The following PIGL variants were observed in gnomAD, a reference collection of about 807,000 sequenced individuals.
The protein encoded by PIGL is phosphatidylinositol glycan anchor biosynthesis class L.
In PIGL, 22 loss-of-function variants were observed where a neutral mutation model predicts 31.1. The observed-to-expected ratio is 0.71, with a 90% CI of 0.51 to 1.01. PIGL has a LOEUF of 1.01. PIGL is among the 50% of genes least tolerant of loss of function. The probability of loss-of-function intolerance (pLI) is 0.00; values close to 1 mark genes in which losing one functional copy is unlikely to be tolerated. For missense variants in PIGL, 302 were observed against 315.9 expected, an observed-to-expected ratio of 0.96 and a Z score of 0.33; for synonymous variants, 131 against 117.4, an observed-to-expected ratio of 1.12 and a Z score of -0.75.
At chr17:16,251,438 A>G (rs988987353) in intron 2 of PIGL, among the ~76,000 whole-genome samples, 14 of 146,776 alleles carry the variant, frequency 9.5e-5, no homozygotes, top group Admixed American at 8.9e-4. Flanking sequence ...AAAAAAAAAA[A>G]GACCAACGTG....
chr17:16,306,184 C>T (rs1051059502), intron 3 of PIGL, among the ~76,000 whole-genome samples: 4 of 152,086 alleles, frequency 2.6e-5, no homozygotes, highest in Admixed American at 2.6e-4. Flanking sequence ...CTCCTGACCT[C>T]GAGATCCACC....
intron 2 of PIGL, among the ~76,000 whole-genome samples, chr17:16,237,851 A>T: frequency 6.6e-6 from 1 of 151,898 alleles, no homozygotes; most frequent in Admixed American, 6.6e-5. Context: ...GTCACACTGA[A>T]AGTCCTTTCC....
In PIGL at chr17:16,269,616, C is replaced by T. The variant is rs569936008; in HGVS notation, c.336-30272C>T. ...CAGTGAGCCTAGATCACCCACTGCA[C>T]TCCAGCCTGGTAACACAGCGAGACT... On this transcript the variant is annotated intron_variant, in intron 2 of 6. Coordinates refer to ENST00000225609, the MANE Select transcript of PIGL (RefSeq NM_004278.4). 6.1e-5 allele frequency among the ~76,000 whole-genome samples: 9 copies of T among 148,580 alleles called. No homozygotes were observed. In the East Asian group the frequency reaches 1.6e-3, roughly 26 times the overall value.
chr17:16,307,708 T>A (rs897306943), intron 3 of PIGL, among the ~76,000 whole-genome samples: 1 of 152,178 alleles, frequency 6.6e-6, no homozygotes, highest in African/African-American at 2.4e-5. Flanking sequence ...GTCTTATGCC[T>A]GGAATCCCAG....
intron 1 of PIGL, among the ~76,000 whole-genome samples, chr17:16,229,423 T>C (rs1226857949): frequency 1.3e-5 from 2 of 151,744 alleles, no homozygotes; most frequent in Non-Finnish European, 2.9e-5. Context: ...TTGGGGCTAT[T>C]ATGAATAATG....
intron 3 of PIGL, among the ~76,000 whole-genome samples, chr17:16,305,528 G>T (rs1350384864): frequency 1.3e-5 from 2 of 152,208 alleles, no homozygotes; most frequent in Admixed American, 6.6e-5. Flanking sequence ...AAAGTTCAGA[G>T]AGCTGAATAC....
chr17:16,281,315 T>G (rs2109262), intron 2 of PIGL, among the ~76,000 whole-genome samples: 66,865 of 152,002 alleles, frequency 0.44, 15,378 homozygotes, highest in Middle Eastern at 0.54. Flanking sequence ...ATGCTAATTC[T>G]AGGAATGTTC....
chr17:16,312,088 G>GA (rs2093053695), intron 3 of PIGL, among the ~76,000 whole-genome samples: 1 of 141,400 alleles, frequency 7.1e-6, no homozygotes, highest in South Asian at 2.3e-4. Flanking sequence ...GGTGGGGGCT[G>GA]CCCCCCCACC....
At chr17:16,282,786 G>A (rs12938397) in intron 2 of PIGL, among the ~76,000 whole-genome samples, 52,868 of 152,066 alleles carry the variant, frequency 0.35, 11,451 homozygotes, top group Middle Eastern at 0.49. Context: ...CACCTCTCAA[G>A]AAGCTGGGAA....
chr17:16,233,029 G>A (rs1050048287), intron 1 of PIGL, among the ~76,000 whole-genome samples: 9 of 151,776 alleles, frequency 5.9e-5, no homozygotes, highest in African/African-American at 2.2e-4. Context: ...CAGGAGAATC[G>A]CTTGAACTCT....
chr17:16,268,367 CTTCCTCTT>C (rs1296334911), intron 2 of PIGL, among the ~76,000 whole-genome samples: 1 of 124,712 alleles, frequency 8.0e-6, no homozygotes, highest in Non-Finnish European at 1.9e-5. Context: ...GCCACTTCCT[CTTCCTCTT>C]TTAAGTGAAA....
At chr17:16,276,549 A>C (rs547412620) in intron 2 of PIGL, among the ~76,000 whole-genome samples, 4 of 152,144 alleles carry the variant, frequency 2.6e-5, no homozygotes, top group Non-Finnish European at 5.9e-5. Context: ...CCTAGCCAAC[A>C]TGGCGAAACT....
At chr17:16,282,922 AG>A (rs2092922424) in intron 2 of PIGL, among the ~76,000 whole-genome samples, 2 of 152,096 alleles carry the variant, frequency 1.3e-5, no homozygotes, top group African/African-American at 4.8e-5. Flanking sequence ...CACTTTGGGA[AG>A]CTGAAGCGGG....
chr17:16,325,863 C>G lies in PIGL; in HGVS notation c.724C>G (p.Arg242Gly). ...CCGCCGCCTCTACATTATCTTCTCC[C>G]GGTACATGAGAATCAACTCACTGAG... The part of the protein sequence containing the change: ...WFRRLYIIFS[R>G]YMRINSLSFL Residue 242 changes from arginine to glycine, a missense_variant, in exon 7 of 7, where the codon CGG becomes GGG. Transcript: ENST00000225609. The G allele has an allele frequency of 1.9e-6, 3 of 1,613,782 alleles. No individual in the cohort carries two copies. Among genetic ancestry groups the G allele is most frequent in the Non-Finnish European group, 2.5e-6 (3 of 1,179,724 alleles).
chr17:16,237,101 C>CT (rs71150281), intron 2 of PIGL, among the ~76,000 whole-genome samples: 2,780 of 58,088 alleles, frequency 0.048, 116 homozygotes, highest in Middle Eastern at 0.056. Flanking sequence ...CCACACCTGG[C>CT]TTTTTTTTTT....
intron 1 of PIGL, among the ~76,000 whole-genome samples, chr17:16,229,160 C>T (rs1316151606): frequency 6.6e-6 from 1 of 151,774 alleles, no homozygotes; most frequent in Middle Eastern, 3.2e-3. Context: ...GCCTATAGTC[C>T]CAGCTACTTG....
At chr17:16,268,855 A>G (rs1170389093) in intron 2 of PIGL, among the ~76,000 whole-genome samples, 1 of 144,502 alleles carries the variant, frequency 6.9e-6, no homozygotes, top group South Asian at 2.2e-4. Context: ...CTCTGCCTCC[A>G]GGATTCAAGC....
chr17:16,219,399 C>T (rs950082597), intron 1 of PIGL, among the ~76,000 whole-genome samples: 1 of 151,858 alleles, frequency 6.6e-6, no homozygotes, highest in Non-Finnish European at 1.5e-5. Flanking sequence ...TATCTTCTCC[C>T]CCAAAAACCT....
intron 1 of PIGL, among the ~76,000 whole-genome samples, chr17:16,229,337 CAT>C (rs933532695): frequency 1.3e-5 from 2 of 151,434 alleles, no homozygotes; most frequent in South Asian, 2.1e-4. Context: ...TATATACATA[CAT>C]ATATATATGT....
Sources: gnomAD v4.1 joint callset for allele counts (sites outside exome capture counted in the v4.1 genomes callset) on GRCh38, gnomAD v4.1.1 for gene constraint, MANE v1.5 for transcripts, NCBI Gene and HGNC (gene_info 2026-07-23, HGNC 2026-07-21) for gene names.